The following LOXL2 variants were observed in gnomAD, a reference collection of about 807,000 sequenced individuals.
LOXL2 encodes the protein lysyl oxidase like 2.
In LOXL2, 70 loss-of-function variants were observed where a neutral mutation model predicts 93.0. The observed-to-expected ratio is 0.75, with a 90% CI of 0.62 to 0.92. LOXL2 has a LOEUF of 0.92. LOXL2 is among the 40% of genes least tolerant of loss of function. LOXL2 has a pLI of 0.00. For missense variants in LOXL2, 973 were observed against 1,054.9 expected, an observed-to-expected ratio of 0.92 and a Z score of 1.08; for synonymous variants, 438 against 413.2, an observed-to-expected ratio of 1.06 and a Z score of -0.73.
chr8:23,347,656 A>G (rs1804016827), intron 3 of LOXL2, among the ~76,000 whole-genome samples: 1 of 152,066 alleles, frequency 6.6e-6, no homozygotes, highest in African/African-American at 2.4e-5. Flanking sequence ...TTTCAAAAAA[A>G]TATAAATAAA....
intron 3 of LOXL2, 135 bp downstream of exon 3, chr8:23,359,955 T>G: frequency 1.3e-6 from 1 of 770,424 alleles, no homozygotes; most frequent in Admixed American, 2.5e-5. Flanking sequence ...TAAACTGCCC[T>G]TGTATCTAAT....
chr8:23,381,583 C>T (rs1263568983), intron 1 of LOXL2, among the ~76,000 whole-genome samples: 1 of 152,200 alleles, frequency 6.6e-6, no homozygotes, highest in Non-Finnish European at 1.5e-5. Flanking sequence ...TTTTTCTCTC[C>T]CTTGCCCCGT....
At chr8:23,332,443 T>C (rs1585354073) in intron 5 of LOXL2, among the ~76,000 whole-genome samples, 4 of 88,352 alleles carry the variant, frequency 4.5e-5, no homozygotes, top group African/African-American at 1.4e-4. Flanking sequence ...CCCCACACAC[T>C]CCTACAGACA....
In LOXL2 at chr8:23,322,301, A is replaced by C; in HGVS notation, c.1151-20T>G. The C allele has an allele frequency of 1.2e-6, 2 of 1,608,268 alleles. No individual in the cohort carries two copies. The highest frequency in any genetic ancestry group is 1.7e-6 in the Non-Finnish European group (2 of 1,175,832). On this transcript the variant is annotated intron_variant, in intron 6 of 13. Coordinates refer to ENST00000389131, the MANE Select transcript of LOXL2 (RefSeq NM_002318.3). The stretch of plus-strand genomic sequence containing the variant: ...CGATCCCTGCAAGGGGAGAATAAAC[A>C]TGCTCTATGAAAGCTTTGGAAGGAA...
In LOXL2 at chr8:23,303,310, G is replaced by T. The variant is rs192745657; in HGVS notation, c.1968C>A (p.Phe656Leu). The T allele has an allele frequency of 6.2e-7, 1 of 1,613,468 alleles. No homozygotes were observed. Among genetic ancestry groups the T allele is most frequent in the East Asian group, 2.2e-5 (1 of 44,840 alleles). The change falls in exon 11 of 14, where the codon TTC (phenylalanine) becomes TTA (leucine). Residue 656 changes from phenylalanine to leucine, a missense_variant. Transcript: ENST00000389131. Reference protein sequence around the residue: ...TKVAEGHKASFCLEDTECEGD... With the variant: ...TKVAEGHKASLCLEDTECEGD... The stretch of plus-strand genomic sequence containing the variant: ...CTTCACATTCTGTGTCCTCCAAGCA[G>T]AAGCTGGCCTTGTGGCCCTCTGCCA...
chr8:23,395,426 G>A (rs1310932387), intron 1 of LOXL2, among the ~76,000 whole-genome samples: 1 of 152,044 alleles, frequency 6.6e-6, no homozygotes, highest in African/African-American at 2.4e-5. Context: ...AGGCTGGGAG[G>A]ATAGGCGGTG....
At chr8:23,334,354 G>C (rs1290634817) in intron 4 of LOXL2, among the ~76,000 whole-genome samples, 2 of 152,200 alleles carry the variant, frequency 1.3e-5, no homozygotes, top group Admixed American at 1.3e-4. Flanking sequence ...TCATTCTTTA[G>C]CTTTATTTTT....
chr8:23,373,513 GC>G (rs1204718862), intron 1 of LOXL2, among the ~76,000 whole-genome samples: 2 of 152,092 alleles, frequency 1.3e-5, no homozygotes, highest in Non-Finnish European at 1.5e-5. Flanking sequence ...TTTTTGGGTT[GC>G]TTTTTAATTT....
intron 1 of LOXL2, among the ~76,000 whole-genome samples, chr8:23,383,657 G>T (rs7012623): frequency 0.15 from 3,371 of 21,930 alleles, 394 homozygotes; most frequent in African/African-American, 0.22. Flanking sequence ...TTTTTTTTTT[G>T]TTTTTTTTTT....
chr8:23,333,634 TGGGAGGGGACAG>T lies in LOXL2; in HGVS notation c.744-23_744-12del. ...CGTGAGGCAAACATTCTGCAGACGA[TGGGAGGGGACAG>T]GGGACCAGGGCATCATGACGCCTAC... On this transcript the variant is annotated splice_polypyrimidine_tract_variant and intron_variant, in intron 4 of 13. Coordinates refer to ENST00000389131, the MANE Select transcript of LOXL2 (RefSeq NM_002318.3). 3 of 1,608,468 alleles carry T rather than the reference TGGGAGGGGACAG, an allele frequency of 1.9e-6. No homozygotes were observed. Among genetic ancestry groups the T allele is most frequent in the Non-Finnish European group, 2.6e-6 (3 of 1,176,016 alleles).
intron 3 of LOXL2, among the ~76,000 whole-genome samples, chr8:23,347,149 T>A (rs547645431): frequency 1.3e-3 from 188 of 149,888 alleles, no homozygotes; most frequent in African/African-American, 4.3e-3. Flanking sequence ...TGAGACCCTA[T>A]CTCTACTAAA....
intron 1 of LOXL2, among the ~76,000 whole-genome samples, chr8:23,384,875 T>C (rs545762878): frequency 6.0e-4 from 91 of 152,240 alleles, no homozygotes; most frequent in Admixed American, 9.2e-4. Flanking sequence ...GATTACACCA[T>C]TGTATTCCAG....
chr8:23,321,995 G>T, intron 7 of LOXL2, 135 bp downstream of exon 7: 1 of 1,006,338 alleles, frequency 9.9e-7, no homozygotes, highest in Non-Finnish European at 1.5e-6. Flanking sequence ...ACTAAACATT[G>T]CAAATGCCAA....
intron 1 of LOXL2, among the ~76,000 whole-genome samples, chr8:23,379,905 G>A (rs1029628170): frequency 6.6e-6 from 1 of 151,998 alleles, no homozygotes; most frequent in South Asian, 2.1e-4. Flanking sequence ...GGGATGCCTC[G>A]CCTTGCTTCG....
intron 6 of LOXL2, among the ~76,000 whole-genome samples, chr8:23,323,957 C>T (rs1219836862): frequency 2.0e-5 from 3 of 152,172 alleles, no homozygotes; most frequent in African/African-American, 7.2e-5. Context: ...GCCTCGGCCT[C>T]CCAAAGTGCT....
chr8:23,319,810 A>AG (rs1192027917), intron 8 of LOXL2, 75 bp downstream of exon 8: 2 of 1,480,724 alleles, frequency 1.4e-6, no homozygotes, highest in East Asian at 2.3e-5. Context: ...TACGTGGGAG[A>AG]GGGGGGCTGA....
In LOXL2 at chr8:23,398,807, C is replaced by T. The variant is rs535787365; in HGVS notation, c.-84+5147G>A. On this transcript the variant is annotated intron_variant, in intron 1 of 13. Coordinates refer to ENST00000389131, the MANE Select transcript of LOXL2 (RefSeq NM_002318.3). The stretch of plus-strand genomic sequence containing the variant: ...CCTGAGTAGCTGGGACTATACCATG[C>T]CTGGCTAATTTTTTTTTTTTGGTAG... Among the ~76,000 whole-genome samples the T allele has an allele frequency of 9.9e-5, 15 of 152,196 alleles. No homozygotes were observed. The South Asian group carries it at 2.9e-3, about 30-fold the overall frequency.
chr8:23,302,058 G>A lies in LOXL2; in HGVS notation c.2102C>T (p.Thr701Ile). The change falls in exon 12 of 14, where the codon ACT becomes ATT. Residue 701 changes from threonine (T) to isoleucine (I), a missense_variant. Thr to Ile is a moderately conservative substitution (Grantham distance 89). Coordinates refer to ENST00000389131, the MANE Select transcript of LOXL2 (RefSeq NM_002318.3). ...CAGGTAGTCTCCAGGGGGCACGTCA[G>A]TGATGTCAACCCACTGGCAGTCGAT... Reference protein sequence around the residue: ...HDIDCQWVDITDVPPGDYLFQ... With the variant: ...HDIDCQWVDIIDVPPGDYLFQ... The A allele has an allele frequency of 6.2e-7, 1 of 1,614,174 alleles. No individual in the cohort carries two copies. The highest frequency in any genetic ancestry group is 1.1e-5 in the South Asian group (1 of 91,082).
At chr8:23,303,206 T>C (rs1803168447) in intron 11 of LOXL2, 76 bp downstream of exon 11, 1 of 913,280 alleles carries the variant, frequency 1.1e-6, no homozygotes, top group Non-Finnish European at 1.8e-6. Context: ...AGGCCTGGGC[T>C]CCAGCCAGGT....
Sources: gnomAD v4.1 joint callset for allele counts (sites outside exome capture counted in the v4.1 genomes callset) on GRCh38, gnomAD v4.1.1 for gene constraint, MANE v1.5 for transcripts, NCBI Gene and HGNC (gene_info 2026-07-23, HGNC 2026-07-21) for gene names.